RPS6KA5: variants seen among roughly 807,000 people sequenced by gnomAD.
The protein encoded by RPS6KA5 is ribosomal protein S6 kinase A5, also known as ribosomal protein S6 kinase alpha-5.
Under a neutral mutation model 85.5 loss-of-function variants are expected in RPS6KA5, and 27 were observed. That is an observed-to-expected ratio of 0.32 (90% CI 0.23 to 0.44). RPS6KA5 has a LOEUF of 0.44. Among genes scored for constraint, RPS6KA5 ranks in the 20% least tolerant of loss-of-function variants. RPS6KA5 has a pLI of 1.00. For missense variants in RPS6KA5, 811 were observed against 980.9 expected (o/e 0.83, Z 2.31); for synonymous variants, 334 against 348.2 (o/e 0.96, Z 0.46).
chr14:90,908,400 A>G (rs202247195), intron 7 of RPS6KA5, among the ~76,000 whole-genome samples: 43 of 152,298 alleles, frequency 2.8e-4, no homozygotes, highest in Non-Finnish European at 3.7e-4. Context: ...CCCATTCCTG[A>G]GTGAAAATCC....
intron 2 of RPS6KA5, among the ~76,000 whole-genome samples, chr14:90,994,873 G>A (rs2040454495): frequency 6.6e-6 from 1 of 151,894 alleles, no homozygotes; most frequent in Non-Finnish European, 1.5e-5. Context: ...CACACGGCTG[G>A]TGTTTGTAAT....
chr14:90,958,300 G>T (rs1034037076), intron 3 of RPS6KA5, among the ~76,000 whole-genome samples: 1 of 152,132 alleles, frequency 6.6e-6, no homozygotes, highest in Non-Finnish European at 1.5e-5. Flanking sequence ...GTTCAACTTA[G>T]GAGAACTGAC....
At chr14:90,988,722 A>C (rs2040173627) in intron 2 of RPS6KA5, among the ~76,000 whole-genome samples, 1 of 152,164 alleles carries the variant, frequency 6.6e-6, no homozygotes, top group African/African-American at 2.4e-5. Flanking sequence ...CTGAGGCAGG[A>C]GCATTGCTTG....
chr14:91,003,771 C>A (rs1336536315), intron 1 of RPS6KA5, among the ~76,000 whole-genome samples: 1 of 152,180 alleles, frequency 6.6e-6, no homozygotes, highest in Non-Finnish European at 1.5e-5. Flanking sequence ...AGTCCTAGGT[C>A]TTAGGAAAAC....
intron 5 of RPS6KA5, among the ~76,000 whole-genome samples, chr14:90,924,723 T>C (rs1204099745): frequency 1.3e-5 from 2 of 152,206 alleles, no homozygotes; most frequent in African/African-American, 4.8e-5. Flanking sequence ...GGAATACTCA[T>C]GTGTTTTAAG....
At chr14:90,987,698 GCCACAACAACAACAA>G (rs1168592923) in intron 2 of RPS6KA5, among the ~76,000 whole-genome samples, 1 of 137,208 alleles carries the variant, frequency 7.3e-6, no homozygotes, top group Middle Eastern at 4.1e-3. Context: ...AGCAGCAGCA[GCCACAACAACAACAA>G]CAACAACAAC....
chr14:90,969,232 CAATT>C (rs1252474494), intron 3 of RPS6KA5, among the ~76,000 whole-genome samples: 1 of 152,206 alleles, frequency 6.6e-6, no homozygotes, highest in African/African-American at 2.4e-5. Flanking sequence ...ATCATTCTGA[CAATT>C]AATACCTTAT....
intron 13 of RPS6KA5, 57 bp downstream of exon 13, chr14:90,894,356 G>A: frequency 7.0e-7 from 1 of 1,434,950 alleles, no homozygotes. Flanking sequence ...CCATGTTTGG[G>A]AGATCTTTAA....
At chr14:90,974,356 G>A (rs1042615375) in intron 3 of RPS6KA5, among the ~76,000 whole-genome samples, 1 of 152,218 alleles carries the variant, frequency 6.6e-6, no homozygotes, top group African/African-American at 2.4e-5. Context: ...ACACAACCAA[G>A]TGAGCATTCC....
chr14:90,903,415 GCT>G lies in RPS6KA5; in HGVS notation c.958-448_958-447del, dbSNP rs547302914. Among the ~76,000 whole-genome samples, 28 of 152,306 alleles carry G rather than the reference GCT, an allele frequency of 1.8e-4. No homozygotes were observed. In the East Asian group the frequency reaches 5.2e-3, roughly 28 times the overall value. On this transcript the variant is annotated intron_variant, in intron 8 of 16. Transcript: ENST00000614987. Reference sequence around the variant, plus strand: ...TATTTTCTAGAGGCAGTGTTACTTAGCTCTCTGCCTGCACTTGCTTTTCCTCC... The same window carrying G: ...TATTTTCTAGAGGCAGTGTTACTTAGCTCTGCCTGCACTTGCTTTTCCTCC...
At chr14:90,933,352 T>G (rs117820376) in intron 5 of RPS6KA5, among the ~76,000 whole-genome samples, 3,174 of 152,242 alleles carry the variant, frequency 0.021, 47 homozygotes, top group Middle Eastern at 0.034. Flanking sequence ...TAACCCCAGA[T>G]AGCTCCCCAT....
intron 1 of RPS6KA5, among the ~76,000 whole-genome samples, chr14:91,033,013 G>A (rs187282086): frequency 2.0e-3 from 298 of 151,786 alleles, no homozygotes; most frequent in African/African-American, 6.7e-3. Context: ...GTGAAACTCC[G>A]TCTCTACTAA....
intron 5 of RPS6KA5, among the ~76,000 whole-genome samples, chr14:90,931,384 C>T (rs748033326): frequency 9.8e-4 from 149 of 151,390 alleles, no homozygotes; most frequent in Admixed American, 2.4e-3. Context: ...GGTTAGGGGA[C>T]GGGGGAAAAG....
In RPS6KA5 at chr14:90,866,571, C is replaced by G. The variant is rs1430356615; in HGVS notation, c.*5503G>C. 1 of 152,126 alleles carries G rather than the reference C, an allele frequency of 6.6e-6. No individual in the cohort carries two copies. The highest frequency in any genetic ancestry group is 1.9e-4 in the East Asian group (1 of 5,198). The allele number at this position is 152,126 out of a possible 1,614,324, so 9.4% of individuals were successfully genotyped here. On this transcript the variant is annotated 3_prime_UTR_variant, in exon 17 of 17. Transcript: ENST00000614987. ...TTCATCTTTTTTAATCTTCCATTTACCTTTTAGTAAGACAAATTCTTATCT... is the reference window on the plus strand; with the variant it reads ...TTCATCTTTTTTAATCTTCCATTTAGCTTTTAGTAAGACAAATTCTTATCT...
At chr14:90,883,365 C>T (rs925913205) in intron 14 of RPS6KA5, among the ~76,000 whole-genome samples, 2 of 151,978 alleles carry the variant, frequency 1.3e-5, no homozygotes, top group Non-Finnish European at 1.5e-5. Context: ...TTTAATTGTC[C>T]TAACTTCAAT....
chr14:90,951,072 T>TCACTG (rs2038149991), intron 3 of RPS6KA5, among the ~76,000 whole-genome samples: 1 of 132,836 alleles, frequency 7.5e-6, no homozygotes, highest in South Asian at 2.3e-4. Context: ...TTGGCCAAGA[T>TCACTG]CACTGCACTG....
chr14:90,899,325 A>C lies in RPS6KA5; in HGVS notation c.1473+4T>G. 10 of 1,536,846 alleles carry C rather than the reference A, an allele frequency of 6.5e-6. No individual in the cohort carries two copies. Among genetic ancestry groups the C allele is most frequent in the Non-Finnish European group, 8.9e-6 (10 of 1,121,200 alleles). ...GGGAAAAAAAAAAAAAAAAAGTAGG[A>C]TACCTGATCATGAAAAACTTCATGC... On this transcript the variant is annotated splice_donor_region_variant and intron_variant, in intron 12 of 16. Coordinates refer to ENST00000614987, the MANE Select transcript of RPS6KA5 (RefSeq NM_004755.4).
chr14:90,872,111 G>A lies in RPS6KA5; in HGVS notation c.2372C>T (p.Pro791Leu), dbSNP rs756443629. 90 of 1,613,634 alleles carry A rather than the reference G, an allele frequency of 5.6e-5. No individual in the cohort carries two copies. In the South Asian group the frequency reaches 8.1e-4, roughly 15 times the overall value. The change falls in exon 17 of 17, where the codon CCG becomes CTG. Residue 791 changes from proline (P) to leucine (L), a missense_variant. Coordinates refer to ENST00000614987, the MANE Select transcript of RPS6KA5 (RefSeq NM_004755.4). The part of the protein sequence containing the change: ...QPSNPADSNN[P>L]ETLFQFSDSV... ...GTCCGAGAACTGGAAGAGGGTCTCCGGGTTATTGCTGTCGGCAGGATTGCT... is the reference window on the plus strand; with the variant it reads ...GTCCGAGAACTGGAAGAGGGTCTCCAGGTTATTGCTGTCGGCAGGATTGCT...
Position 91,060,348 on chromosome 14 carries a change from C to T in RPS6KA5, c.87G>A (p.Lys29=). 6 of 1,454,602 alleles carry T rather than the reference C, an allele frequency of 4.1e-6. No individual in the cohort carries two copies. The highest frequency in any genetic ancestry group is 1.5e-5 in the African/African-American group (1 of 68,876). The allele number at this position is 1,454,602 out of a possible 1,614,324, so 90.1% of individuals were successfully genotyped here. ...GTCGCTCACCAGTCCGCAGCTCGTGCTTGACAGTGAGGAGCTGCTCTCCTC... is the reference window on the plus strand; with the variant it reads ...GTCGCTCACCAGTCCGCAGCTCGTGTTTGACAGTGAGGAGCTGCTCTCCTC... ...GDGGEQLLTV[K]HELRTANLTG... Residue 29 remains lysine (K), a synonymous_variant, in exon 1 of 17, where the codon AAG becomes AAA. Transcript: ENST00000614987.
Sources: gnomAD v4.1 joint callset for allele counts (sites outside exome capture counted in the v4.1 genomes callset) on GRCh38, gnomAD v4.1.1 for gene constraint, MANE v1.5 for transcripts, NCBI Gene and HGNC (gene_info 2026-07-23, HGNC 2026-07-21) for gene names.